STAB2: variants seen among roughly 807,000 people sequenced by gnomAD.
The protein encoded by STAB2 is stabilin 2, also known as stabilin-2.
Under a neutral mutation model 338.1 loss-of-function variants are expected in STAB2, and 288 were observed. The ratio of observed to expected loss-of-function variants is 0.85; its 90% CI spans 0.77 to 0.94. The LOEUF is 0.94. STAB2 is among the 40% of genes least tolerant of loss of function. STAB2 has a pLI of 0.00. For missense variants in STAB2, 3,141 were observed against 3,210.1 expected, an observed-to-expected ratio of 0.98 and a Z score of 0.52; for synonymous variants, 1,202 against 1,193.3, an observed-to-expected ratio of 1.01 and a Z score of -0.15.
intron 3 of STAB2, among the ~76,000 whole-genome samples, chr12:103,605,257 A>C (rs569687695): frequency 1.3e-5 from 2 of 152,122 alleles, no homozygotes; most frequent in South Asian, 4.1e-4. Flanking sequence ...AAGGAAATTT[A>C]TCATTTAATT....
Position 103,638,126 on chromosome 12 carries a change from G to T in STAB2, c.820G>T (p.Val274Leu). ...AGAAGGCTACCGTGGGGATGGCCAAGTGTGCTTGCCTGTGGACCCCTGCCA... is the reference window on the plus strand; with the variant it reads ...AGAAGGCTACCGTGGGGATGGCCAATTGTGCTTGCCTGTGGACCCCTGCCA... ...CQEGYRGDGQVCLPVDPCQIN... is the reference protein window; with the variant it reads ...CQEGYRGDGQLCLPVDPCQIN... Residue 274 changes from valine to leucine, a missense_variant, in exon 8 of 69, where the codon GTG becomes TTG. Physicochemically the swap from Val to Leu is conservative, Grantham distance 32. Coordinates refer to ENST00000388887, the MANE Select transcript of STAB2 (RefSeq NM_017564.10). 2.5e-6 allele frequency: 4 copies of T among 1,614,208 alleles called. No individual in the cohort carries two copies. Among genetic ancestry groups the T allele is most frequent in the Non-Finnish European group, 3.4e-6 (4 of 1,180,042 alleles).
At chr12:103,657,226 TAA>T (rs140834161) in intron 15 of STAB2, among the ~76,000 whole-genome samples, 4,044 of 116,320 alleles carry the variant, frequency 0.035, 67 homozygotes, top group South Asian at 0.052. Context: ...TAAAGTGAGC[TAA>T]AAAAAAAAAA....
Position 103,631,640 on chromosome 12 carries a change from G to A in STAB2, c.530G>A (p.Gly177Asp). 1 of 1,614,124 alleles carries A rather than the reference G, an allele frequency of 6.2e-7. No homozygotes were observed. The highest frequency in any genetic ancestry group is 8.5e-7 in the Non-Finnish European group (1 of 1,180,040). Residue 177 changes from glycine to aspartate, a missense_variant, in exon 6 of 69, where the codon GGC becomes GAC. Gly to Asp is a moderately conservative substitution (Grantham distance 94, BLOSUM62 -1). Transcript: ENST00000388887. ...GGGGTGTGCAACAGTGGACTAGATG[G>A]CGATGGAACCTGTGAGTGCTACTCT... is the stretch of plus-strand genomic sequence containing the variant. The part of the protein sequence containing the change: ...VHGVCNSGLD[G>D]DGTCECYSAY...
intron 3 of STAB2, among the ~76,000 whole-genome samples, chr12:103,607,260 T>G (rs759408000): frequency 6.6e-6 from 1 of 152,152 alleles, no homozygotes; most frequent in Non-Finnish European, 1.5e-5. Flanking sequence ...CCCTTCCTCC[T>G]TTTCAGAGAC....
chr12:103,630,797 A>T (rs548053597), intron 5 of STAB2, among the ~76,000 whole-genome samples: 2 of 152,386 alleles, frequency 1.3e-5, no homozygotes, highest in African/African-American at 4.8e-5. Context: ...TAAAGCCTCC[A>T]GAGGAATAGC....
chr12:103,669,504 T>C, intron 20 of STAB2, 37 bp from the exon 21 acceptor site: 1 of 1,541,930 alleles, frequency 6.5e-7, no homozygotes, highest in Non-Finnish European at 9.0e-7. Flanking sequence ...GTGCTCTACT[T>C]GGGGGTTCAA....
chr12:103,630,179 C>T (rs1474450164), intron 5 of STAB2, among the ~76,000 whole-genome samples: 1 of 152,144 alleles, frequency 6.6e-6, no homozygotes, highest in Non-Finnish European at 1.5e-5. Flanking sequence ...GACGAGGTAT[C>T]ATGCTACTGC....
intron 8 of STAB2, 57 bp from the exon 9 acceptor site, chr12:103,640,066 G>A (rs531922104): frequency 1.3e-6 from 2 of 1,539,030 alleles, no homozygotes; most frequent in Non-Finnish European, 8.8e-7. Flanking sequence ...AAAGAAGAAT[G>A]CCAGCTGAAG....
At chr12:103,668,827 C>T (rs1875429757) in intron 20 of STAB2, 98 bp downstream of exon 20, 3 of 1,059,626 alleles carry the variant, frequency 2.8e-6, no homozygotes, top group Non-Finnish European at 4.0e-6. Context: ...TCACAGGTGG[C>T]CCGTGCTTGC....
intron 55 of STAB2, 21 bp downstream of exon 55, chr12:103,740,777 C>T (rs751590225): frequency 5.8e-6 from 9 of 1,553,216 alleles, no homozygotes; most frequent in Admixed American, 2.2e-5. Flanking sequence ...CTCTTCCCCC[C>T]TCGCAACTCT....
intron 1 of STAB2, among the ~76,000 whole-genome samples, chr12:103,588,428 C>A (rs1956745826): frequency 6.6e-6 from 1 of 151,922 alleles, no homozygotes; most frequent in Non-Finnish European, 1.5e-5. Flanking sequence ...GTTTTTTAAT[C>A]TCTTCAAGCT....
At chr12:103,695,362 A>C (rs895541200) in intron 31 of STAB2, among the ~76,000 whole-genome samples, 188 bp from the exon 32 acceptor site, 1 of 152,242 alleles carries the variant, frequency 6.6e-6, no homozygotes, top group Non-Finnish European at 1.5e-5. Context: ...TAACATCTCC[A>C]ACTCTGCTCC....
intron 5 of STAB2, among the ~76,000 whole-genome samples, chr12:103,625,928 C>G (rs1414310031): frequency 1.3e-5 from 2 of 152,124 alleles, no homozygotes; most frequent in Non-Finnish European, 2.9e-5. Context: ...CCTGAGGAAT[C>G]GCCACACTGA....
rs147900919 is a variant in STAB2 at position 103,749,105 on chromosome 12, C to T, written c.6387C>T (p.Asp2129=). ...HSCTEIDPCA[D]GLNGGCHEHA... is the part of the protein sequence containing the mutation. ...GCACAGAGATAGACCCCTGTGCAGA[C>T]GGCCTTAACGGAGGGTGTCACGAGC... is the stretch of plus-strand genomic sequence containing the variant. Residue 2129 remains aspartate (D), a synonymous_variant, in exon 59 of 69, where the codon GAC becomes GAT. Coordinates refer to ENST00000388887, the MANE Select transcript of STAB2 (RefSeq NM_017564.10). 162 of 1,612,240 alleles carry T rather than the reference C, an allele frequency of 1.0e-4. No homozygotes were observed. The Middle Eastern group carries it at 1.7e-3, about 16-fold the overall frequency.
chr12:103,647,134 G>A (rs1050931391), intron 9 of STAB2, among the ~76,000 whole-genome samples: 7 of 152,230 alleles, frequency 4.6e-5, no homozygotes, highest in African/African-American at 1.7e-4. Flanking sequence ...ACAGGTGCCA[G>A]AATTTTAAAG....
chr12:103,672,177 C>T (rs7953363), intron 22 of STAB2, among the ~76,000 whole-genome samples: 8,333 of 152,276 alleles, frequency 0.055, 224 homozygotes, highest in African/African-American at 0.066. Flanking sequence ...AACCCTTCCG[C>T]TCTCCTACCT....
rs1566051938 is a variant in STAB2, at chr12:103,727,265, A to G, written c.4852-2A>G. 1 of 1,614,266 alleles carries G rather than the reference A, an allele frequency of 6.2e-7. No homozygotes were observed. Among genetic ancestry groups the G allele is most frequent in the South Asian group, 1.1e-5 (1 of 91,090 alleles). On this transcript the variant is annotated splice_acceptor_variant, in intron 46 of 68. Transcript: ENST00000388887. LOFTEE classifies it high-confidence loss of function. Reference sequence around the variant, plus strand: ...GTGTGAGCCTCACCTTTCTTCCCACAGGAGCATTTCGTGAAAGATCTGGTC... The same window carrying G: ...GTGTGAGCCTCACCTTTCTTCCCACGGGAGCATTTCGTGAAAGATCTGGTC...
At position 103,749,080 on chromosome 12, in the gene STAB2, GCA is replaced by G; in HGVS notation, c.6365_6366del (p.Thr2122ArgfsTer10). 6.2e-7 allele frequency: 1 copy of G among 1,614,134 alleles called. No homozygotes were observed. Among genetic ancestry groups the G allele is most frequent in the Non-Finnish European group, 8.5e-7 (1 of 1,180,020 alleles). On this transcript the variant is annotated frameshift_variant, in exon 59 of 69. Coordinates refer to ENST00000388887, the MANE Select transcript of STAB2 (RefSeq NM_017564.10). LOFTEE classifies it high-confidence loss of function. ...GGATACAAAGGGGACGGGCACAGCT[GCA>G]CAGAGATAGACCCCTGTGCAGACGG...
chr12:103,604,261 T>C (rs553888690), intron 3 of STAB2, among the ~76,000 whole-genome samples: 27 of 152,244 alleles, frequency 1.8e-4, no homozygotes, highest in African/African-American at 5.8e-4. Flanking sequence ...CTAGGTTCAG[T>C]TGGCTATAAT....
Sources: gnomAD v4.1 joint callset for allele counts (sites outside exome capture counted in the v4.1 genomes callset) on GRCh38, gnomAD v4.1.1 for gene constraint, MANE v1.5 for transcripts, NCBI Gene and HGNC (gene_info 2026-07-23, HGNC 2026-07-21) for gene names.